Variants in C1GALT1 observed in about 807,000 individuals in gnomAD.
C1GALT1 encodes the protein core 1 synthase, glycoprotein-N-acetylgalactosamine 3-beta-galactosyltransferase 1, also known as glycoprotein-N-acetylgalactosamine 3-beta-galactosyltransferase 1.
Under a neutral mutation model 31.0 loss-of-function variants are expected in C1GALT1, and 11 were observed. The observed-to-expected ratio is 0.36, with a 90% CI of 0.22 to 0.59. The LOEUF (loss-of-function observed/expected upper bound fraction) is 0.59. Ranked by LOEUF, C1GALT1 falls within the 20% of genes least tolerant of loss-of-function variation. C1GALT1 has a pLI of 0.79. For synonymous variants in C1GALT1, 175 were observed against 143.6 expected, an observed-to-expected ratio of 1.22 and a Z score of -1.56; for missense variants, 424 against 425.2, an observed-to-expected ratio of 1.00 and a Z score of 0.03.
chr7:7,183,264 G>T (rs188018673), intron 1 of C1GALT1, among the ~76,000 whole-genome samples: 1 of 151,726 alleles, frequency 6.6e-6, no homozygotes, highest in Admixed American at 6.6e-5. Flanking sequence ...TGTGGGTCCC[G>T]CCGGACTGGG....
chr7:7,235,091 A>AGTGTTGG (rs1158447658), intron 2 of C1GALT1: 1 of 152,260 alleles, frequency 6.6e-6, no homozygotes, highest in Non-Finnish European at 1.5e-5. Context: ...GTGTCCCTTA[A>AGTGTTGG]GTGTTGGTTC....
At chr7:7,201,318 C>A (rs1229437109) in intron 1 of C1GALT1, among the ~76,000 whole-genome samples, 1 of 152,160 alleles carries the variant, frequency 6.6e-6, no homozygotes, top group Non-Finnish European at 1.5e-5. Context: ...TGCAGAACAG[C>A]GAATGTTGCA....
In C1GALT1 at chr7:7,248,092, A is replaced by G. The variant is rs554370666; in HGVS notation, c.*4365A>G. 7.2e-5 allele frequency: 11 copies of G among 152,176 alleles called. No homozygotes were observed. The South Asian group carries it at 2.1e-3, about 29-fold the overall frequency. The allele number at this position is 152,176 out of a possible 1,614,324, so 9.4% of individuals were successfully genotyped here. A position where few individuals can be genotyped will look rare whatever the true frequency, so the allele number is the denominator to read the frequency against. ...GGCCTGACAGAAACATAGTGAAGCA[A>G]TCTGGGAGGCAACCTGTGGTAGATT... On this transcript the variant is annotated 3_prime_UTR_variant, in exon 4 of 4. Coordinates refer to ENST00000436587, the MANE Select transcript of C1GALT1 (RefSeq NM_020156.5).
At chr7:7,223,965 T>C (rs1782633085) in intron 1 of C1GALT1, among the ~76,000 whole-genome samples, 1 of 152,172 alleles carries the variant, frequency 6.6e-6, no homozygotes, top group South Asian at 2.1e-4. Flanking sequence ...CTGAGAGTTA[T>C]TTGTCCTGAA....
Position 7,204,013 on chromosome 7 carries a change from T to A in C1GALT1, c.-18+21193T>A, listed in dbSNP as rs376975927. ...TCTACTATCCTTTGTTGGTTTGTGGTTTTCTTGTGTGTCTTTGTCTGGCTT... is the reference window on the plus strand; with the variant it reads ...TCTACTATCCTTTGTTGGTTTGTGGATTTCTTGTGTGTCTTTGTCTGGCTT... On this transcript the variant is annotated intron_variant, in intron 1 of 3. Coordinates refer to ENST00000436587, the MANE Select transcript of C1GALT1 (RefSeq NM_020156.5). Among the ~76,000 whole-genome samples the A allele has an allele frequency of 1.1e-4, 17 of 152,200 alleles. No homozygotes were observed. In the East Asian group the frequency reaches 3.3e-3, roughly 29 times the overall value.
At chr7:7,174,087 G>A (rs992929464) in intron 2 of C1GALT1, among the ~76,000 whole-genome samples, 10 of 151,516 alleles carry the variant, frequency 6.6e-5, no homozygotes, top group Non-Finnish European at 1.2e-4. Flanking sequence ...GTCCCCACAC[G>A]GCCTTTCCTC....
chr7:7,243,372 C>T (rs192216777), intron 3 of C1GALT1, 152 bp from the exon 4 acceptor site: 6 of 527,834 alleles, frequency 1.1e-5, no homozygotes, highest in African/African-American at 7.8e-5. Context: ...TTGATTTCTT[C>T]CACAGGTCTA....
rs1783741449 is a variant in C1GALT1, at chr7:7,243,893, G to T, written c.*166G>T. 3.9e-6 allele frequency: 2 copies of T among 509,340 alleles called. No individual in the cohort carries two copies. Among genetic ancestry groups the T allele is most frequent in the Non-Finnish European group, 6.8e-6 (2 of 292,880 alleles). The allele number at this position is 509,340 out of a possible 1,614,324, so 31.6% of individuals were successfully genotyped here. A position where few individuals can be genotyped will look rare whatever the true frequency, so the allele number is the denominator to read the frequency against. ...TATAAACTGAAGCTTTAAATGAGCTGTGAAGTGTGTTAAAATGTGTTTTGA... is the reference window on the plus strand; with the variant it reads ...TATAAACTGAAGCTTTAAATGAGCTTTGAAGTGTGTTAAAATGTGTTTTGA... On this transcript the variant is annotated 3_prime_UTR_variant, in exon 4 of 4. Coordinates refer to ENST00000436587, the MANE Select transcript of C1GALT1 (RefSeq NM_020156.5).
At chr7:7,195,740 A>T (rs1381263466) in intron 1 of C1GALT1, among the ~76,000 whole-genome samples, 1 of 152,170 alleles carries the variant, frequency 6.6e-6, no homozygotes, top group African/African-American at 2.4e-5. Context: ...TTCTGTCCTG[A>T]TGACTTGTCT....
rs57031681 is a variant in C1GALT1 at position 7,227,719 on chromosome 7, CAAA to C, written c.-17-6570_-17-6568del. ...TGGGCAACAGAGCGAGACTCCGTCTCAAAAAAAAAAAAAAAAGGGAAGAGGAAC... is the reference window on the plus strand; with the variant it reads ...TGGGCAACAGAGCGAGACTCCGTCTCAAAAAAAAAAAAAGGGAAGAGGAAC... On this transcript the variant is annotated intron_variant, in intron 1 of 3. Transcript: ENST00000436587. Among the ~76,000 whole-genome samples the C allele has an allele frequency of 8.1e-3, 967 of 119,080 alleles. 8 individuals are homozygous for C. The highest frequency in any genetic ancestry group is 0.024 in the South Asian group (72 of 2,970). The allele number at this position is 119,080 out of a possible 152,430, so 78.1% of individuals were successfully genotyped here.
At chr7:7,171,808 C>A (rs1358932473) in intron 2 of C1GALT1, among the ~76,000 whole-genome samples, 1 of 152,076 alleles carries the variant, frequency 6.6e-6, no homozygotes, top group Non-Finnish European at 1.5e-5. Context: ...AAATTTAAGG[C>A]AATATATTTT....
At chr7:7,169,599 G>C (rs1780431382) in intron 2 of C1GALT1, among the ~76,000 whole-genome samples, 1 of 151,348 alleles carries the variant, frequency 6.6e-6, no homozygotes, top group Non-Finnish European at 1.5e-5. Flanking sequence ...GTACATCATT[G>C]TTGTTTTGAT....
chr7:7,240,868 T>C (rs1324453304), intron 3 of C1GALT1, among the ~76,000 whole-genome samples: 6 of 152,118 alleles, frequency 3.9e-5, no homozygotes, highest in Non-Finnish European at 8.8e-5. Flanking sequence ...TTAAATCTTA[T>C]ACATACTTTT....
At chr7:7,196,942 G>C (rs1781317193) in intron 1 of C1GALT1, among the ~76,000 whole-genome samples, 1 of 151,214 alleles carries the variant, frequency 6.6e-6, no homozygotes, top group Non-Finnish European at 1.5e-5. Flanking sequence ...TTGGATATTA[G>C]CCCTTTATCA....
At position 7,243,648 on chromosome 7, in the gene C1GALT1, C is replaced by T. The variant is rs747935652; in HGVS notation, c.1013C>T (p.Thr338Ile). 2 of 1,611,248 alleles carry T rather than the reference C, an allele frequency of 1.2e-6. No individual in the cohort carries two copies. Among genetic ancestry groups the T allele is most frequent in the African/African-American group, 1.3e-5 (1 of 74,756 alleles). ...GGTTATTTATACAGATATCAACCTA[C>T]CTTACCTGAACGTATACTAAAGGAA... ...PYGYLYRYQP[T>I]LPERILKEIS... Residue 338 changes from threonine to isoleucine, a missense_variant, in exon 4 of 4, where the codon ACC becomes ATC. By Grantham distance (89) the Thr-to-Ile change is moderately conservative. Around this residue, in one of 3 missense-constraint regions of C1GALT1, gnomAD observed 191 missense variants for 188.8 expected, o/e 1.01. Transcript: ENST00000436587.
intron 1 of C1GALT1, among the ~76,000 whole-genome samples, chr7:7,215,298 T>C (rs201014405): frequency 6.6e-6 from 1 of 152,188 alleles, no homozygotes; most frequent in East Asian, 1.9e-4. Context: ...CCAGATTGTT[T>C]ATAACTGAAG....
intron 1 of C1GALT1, among the ~76,000 whole-genome samples, chr7:7,190,394 T>G (rs1473196623): frequency 6.6e-6 from 1 of 152,120 alleles, no homozygotes; most frequent in East Asian, 1.9e-4. Context: ...AGGTTGCTTC[T>G]GTTTCATAAT....
chr7:7,197,278 G>A (rs1051635716), intron 1 of C1GALT1, among the ~76,000 whole-genome samples: 1 of 152,106 alleles, frequency 6.6e-6, no homozygotes, highest in Non-Finnish European at 1.5e-5. Context: ...AGTTTTCCCA[G>A]CACCATTTAT....
rs1783745424 is a variant in C1GALT1 at position 7,243,970 on chromosome 7, A to ATG, written c.*244_*245dup. 2 of 261,130 alleles carry ATG rather than the reference A, an allele frequency of 7.7e-6. No individual in the cohort carries two copies. The highest frequency in any genetic ancestry group is 1.4e-5 in the Non-Finnish European group (2 of 139,880). The allele number at this position is 261,130 out of a possible 1,614,324, so 16.2% of individuals were successfully genotyped here. ...TATATGAGGAACTTGTGTTTTTTAAATGGTGGCCAGGTAGAGGAACTAGAA... is the reference window on the plus strand; with the variant it reads ...TATATGAGGAACTTGTGTTTTTTAAATGTGGTGGCCAGGTAGAGGAACTAGAA... On this transcript the variant is annotated 3_prime_UTR_variant, in exon 4 of 4. Transcript: ENST00000436587.
Sources: gnomAD v4.1 joint callset for allele counts (sites outside exome capture counted in the v4.1 genomes callset) on GRCh38, gnomAD v4.1.1 for gene constraint, gnomAD v4.1.1 regional missense constraint, MANE v1.5 for transcripts, NCBI Gene and HGNC (gene_info 2026-07-23, HGNC 2026-07-21) for gene names.